The following CDHR3 variants were observed in gnomAD, a reference collection of about 807,000 sequenced individuals.
CDHR3 encodes the protein cadherin related family member 3.
A neutral mutation model predicts 86.6 loss-of-function variants in CDHR3; 79 were observed. The ratio of observed to expected loss-of-function variants is 0.91; its 90% CI spans 0.76 to 1.10. CDHR3 has a LOEUF of 1.10. CDHR3 is among the 50% of genes least tolerant of loss of function. The probability of loss-of-function intolerance (pLI) is 0.00; values close to 1 mark genes in which losing one functional copy is unlikely to be tolerated. For missense variants in CDHR3, 1,081 were observed against 1,077.6 expected (o/e 1.00, Z -0.04); for synonymous variants, 421 against 402.4 (o/e 1.05, Z -0.55).
At chr7:105,971,942 A>G (rs1828042108) in intron 1 of CDHR3, among the ~76,000 whole-genome samples, 1 of 152,220 alleles carries the variant, frequency 6.6e-6, no homozygotes, top group Non-Finnish European at 1.5e-5. Flanking sequence ...ATGTTGTTGC[A>G]GTGTCCCAGG....
chr7:105,999,825 G>A (rs1344541032), intron 6 of CDHR3, among the ~76,000 whole-genome samples: 5 of 152,250 alleles, frequency 3.3e-5, no homozygotes, highest in Admixed American at 3.3e-4. Context: ...AGGTCTGCAT[G>A]TCTAACCAGC....
rs775713988 is a variant in CDHR3 at position 106,035,287 on chromosome 7, C to A, written c.*2590C>A. On this transcript the variant is annotated 3_prime_UTR_variant, in exon 19 of 19. Transcript: ENST00000317716. ...GTGATAGGCAGGAAGAGCTGAGTGT[C>A]TTCCTAGTCGCAAGGCAAGCCTCGA... Among the ~76,000 whole-genome samples the A allele has an allele frequency of 2.6e-5, 4 of 152,094 alleles. No individual in the cohort carries two copies. The highest frequency in any genetic ancestry group is 7.2e-5 in the African/African-American group (3 of 41,404).
chr7:105,970,985 C>CA (rs1422451224), intron 1 of CDHR3, among the ~76,000 whole-genome samples: 1 of 151,860 alleles, frequency 6.6e-6, no homozygotes, highest in Non-Finnish European at 1.5e-5. Context: ...ACTAAAAATA[C>CA]AAAAAAATAG....
rs572056962 is a variant in CDHR3 at position 105,984,226 on chromosome 7, T to C, written c.450T>C (p.Pro150=). Residue 150 remains proline (P), a synonymous_variant, in exon 4 of 19, where the codon CCT becomes CCC. Transcript: ENST00000317716. Reference sequence around the variant, plus strand: ...TCTACATAGTAGAAAGAGCAAACCCTGGATTCATTTACCAGGTTGAGGCCT... The same window carrying C: ...TCTACATAGTAGAAAGAGCAAACCCCGGATTCATTTACCAGGTTGAGGCCT... ...LHLYIVERAN[P]GFIYQVEAFD... 2.0e-5 allele frequency: 32 copies of C among 1,610,926 alleles called. No individual in the cohort carries two copies. In the South Asian group the frequency reaches 3.3e-4, roughly 17 times the overall value.
At chr7:105,968,127 T>G (rs1827273040) in intron 1 of CDHR3, among the ~76,000 whole-genome samples, 1 of 152,234 alleles carries the variant, frequency 6.6e-6, no homozygotes, top group Non-Finnish European at 1.5e-5. Context: ...AATCACTAGT[T>G]GAATCACCTT....
chr7:106,020,786 C>A (rs1001794010), intron 13 of CDHR3, among the ~76,000 whole-genome samples: 1 of 152,166 alleles, frequency 6.6e-6, no homozygotes, highest in African/African-American at 2.4e-5. Flanking sequence ...TTGCACCCAG[C>A]TTGCTGGGGA....
chr7:106,023,987 A>G (rs1836973915), intron 14 of CDHR3, among the ~76,000 whole-genome samples: 1 of 151,614 alleles, frequency 6.6e-6, no homozygotes, highest in African/African-American at 2.4e-5. Context: ...AACACTGAAA[A>G]GCCTACAAGG....
intron 14 of CDHR3, among the ~76,000 whole-genome samples, chr7:106,023,613 T>C (rs186084748): frequency 2.0e-5 from 3 of 152,276 alleles, no homozygotes; most frequent in Non-Finnish European, 4.4e-5. Flanking sequence ...ACCTGCAGCA[T>C]GCCAGAAGGA....
Position 105,963,276 on chromosome 7 carries a change from G to A in CDHR3, c.-43G>A. The A allele has an allele frequency of 6.2e-7, 1 of 1,604,522 alleles. No individual in the cohort carries two copies. The highest frequency in any genetic ancestry group is 1.7e-4 in the Middle Eastern group (1 of 5,980). ...TTGGGTGTGAGACGGGATTCAGGCT[G>A]TGGCTAATGTGCTGGAAGCACGCAC... On this transcript the variant is annotated 5_prime_UTR_variant, in exon 1 of 19. It adds an upstream start codon to the 5' untranslated region. Coordinates refer to ENST00000317716, the MANE Select transcript of CDHR3 (RefSeq NM_152750.5).
chr7:105,991,075 C>T (rs897944495), intron 4 of CDHR3, among the ~76,000 whole-genome samples: 2 of 152,182 alleles, frequency 1.3e-5, no homozygotes, highest in Non-Finnish European at 2.9e-5. Context: ...CATTTGTTAA[C>T]TGAATTGATC....
chr7:106,028,527 T>C (rs73195675), intron 16 of CDHR3, 24 bp from the exon 17 acceptor site: 71,150 of 1,613,614 alleles, frequency 0.044, 2,258 homozygotes, highest in South Asian at 0.14. Flanking sequence ...GAAGCTTAAC[T>C]TCTGCCTGTT....
intron 1 of CDHR3, among the ~76,000 whole-genome samples, chr7:105,969,156 G>A (rs1827487192): frequency 6.6e-6 from 1 of 150,786 alleles, no homozygotes; most frequent in African/African-American, 2.4e-5. Context: ...CAGCACTTTG[G>A]GAGGCCGAGG....
intron 11 of CDHR3, 116 bp from the exon 12 acceptor site, chr7:106,017,730 A>G (rs931952099): frequency 9.4e-6 from 7 of 746,832 alleles, no homozygotes; most frequent in Non-Finnish European, 8.8e-6. Flanking sequence ...CAGAGTTTGG[A>G]CAGCAAGGAG....
Position 106,032,596 on chromosome 7 carries a change from G to T in CDHR3, c.2557G>T (p.Gly853Cys). 6.2e-7 allele frequency: 1 copy of T among 1,613,940 alleles called. No individual in the cohort carries two copies. The highest frequency in any genetic ancestry group is 8.5e-7 in the Non-Finnish European group (1 of 1,179,886). Residue 853 changes from glycine to cysteine, a missense_variant, in exon 19 of 19, where the codon GGT becomes TGT. Gly to Cys is a radical substitution (Grantham distance 159, BLOSUM62 -3). Coordinates refer to ENST00000317716, the MANE Select transcript of CDHR3 (RefSeq NM_152750.5). Reference sequence around the variant, plus strand: ...TGGCAAAGCGTGGGCTGAGGATGCTGGTCTGGGTTCCAGAAATGAGGGTGG... The same window carrying T: ...TGGCAAAGCGTGGGCTGAGGATGCTTGTCTGGGTTCCAGAAATGAGGGTGG... ...LSGKAWAEDA[G>C]LGSRNEGGKL... is the part of the protein sequence containing the mutation.
chr7:105,995,190 A>C (rs1831999342), intron 5 of CDHR3, among the ~76,000 whole-genome samples: 1 of 152,216 alleles, frequency 6.6e-6, no homozygotes, highest in South Asian at 2.1e-4. Context: ...CAATCCTAAA[A>C]GCCATGAGCT....
chr7:106,005,011 C>T (rs1425072980), intron 8 of CDHR3, among the ~76,000 whole-genome samples: 5 of 152,198 alleles, frequency 3.3e-5, no homozygotes, highest in Non-Finnish European at 7.3e-5. Context: ...CCTCCCTGGA[C>T]TGTGCCTGTT....
intron 13 of CDHR3, 52 bp from the exon 14 acceptor site, chr7:106,022,146 C>T: frequency 6.2e-7 from 1 of 1,601,184 alleles, no homozygotes; most frequent in Non-Finnish European, 8.5e-7. Context: ...ACCTTTATTT[C>T]TTACTCTCTT....
chr7:105,996,817 C>T (rs1040859164), intron 6 of CDHR3, among the ~76,000 whole-genome samples: 4 of 152,124 alleles, frequency 2.6e-5, no homozygotes, highest in Admixed American at 6.5e-5. Context: ...AAAGTTTCTT[C>T]CTGCCATGGT....
At chr7:105,970,304 C>T (rs1827750639) in intron 1 of CDHR3, among the ~76,000 whole-genome samples, 1 of 152,174 alleles carries the variant, frequency 6.6e-6, no homozygotes, top group East Asian at 1.9e-4. Flanking sequence ...CCCAGGGAAG[C>T]CCCATTGGTC....
Sources: allele counts gnomAD v4.1 joint callset (sites outside exome capture counted in the v4.1 genomes callset), GRCh38; gene constraint gnomAD v4.1.1; transcripts MANE v1.5; gene names NCBI Gene and HGNC (gene_info 2026-07-23, HGNC 2026-07-21).